The following DDA1 variants were observed in gnomAD, a reference collection of about 807,000 sequenced individuals.
DDA1 encodes DET1- and DDB1-associated protein 1.
Under a neutral mutation model 18.6 loss-of-function variants are expected in DDA1, and 3 were observed. The ratio of observed to expected loss-of-function variants is 0.16; its 90% CI spans 0.07 to 0.42. DDA1 has a LOEUF of 0.42. DDA1 is among the 10% of genes least tolerant of loss of function. DDA1 has a pLI of 0.99. For synonymous variants in DDA1, 52 were observed against 54.0 expected, an observed-to-expected ratio of 0.96 and a Z score of 0.17; for missense variants, 105 against 138.2, an observed-to-expected ratio of 0.76 and a Z score of 1.20.
chr19:17,314,136 G>A lies in DDA1; in HGVS notation c.84+33G>A. 1 of 1,610,702 alleles carries A rather than the reference G, an allele frequency of 6.2e-7. No homozygotes were observed. The highest frequency in any genetic ancestry group is 8.5e-7 in the Non-Finnish European group (1 of 1,177,180). ...CGTGTTCCTGGGACTGGGAGGAATT[G>A]GTCACTTCCAGGGGGCCTGGGGGCA... is the stretch of plus-strand genomic sequence containing the variant. On this transcript the variant is annotated intron_variant, in intron 2 of 4. Transcript: ENST00000359866. The surrounding 1 kb of genome is among the most constrained non-coding windows in gnomAD (Gnocchi z 4.6).
chr19:17,312,562 A>C (rs2074184117), intron 1 of DDA1, among the ~76,000 whole-genome samples: 1 of 152,086 alleles, frequency 6.6e-6, no homozygotes, highest in South Asian at 2.1e-4. Flanking sequence ...CTCACCCTTC[A>C]GGTCTCAGTG....
chr19:17,310,124 T>G, intron 1 of DDA1: 3 of 163,518 alleles, frequency 1.8e-5, no homozygotes, highest in Non-Finnish European at 4.0e-5. Context: ...ATTGTCCCGG[T>G]TCCCCGGGCC....
chr19:17,318,063 ACCCAGGCTGGAGTCG>A (rs1172773702), intron 4 of DDA1, among the ~76,000 whole-genome samples: 3 of 146,284 alleles, frequency 2.1e-5, no homozygotes, highest in Non-Finnish European at 3.0e-5. Flanking sequence ...TTGCTCTGTC[ACCCAGGCTGGAGTCG>A]CCCAGGCTGG....
chr19:17,315,455 T>TATATATATATATATATATATATA (rs1568354250), intron 3 of DDA1, among the ~76,000 whole-genome samples: 53 of 137,140 alleles, frequency 3.9e-4, no homozygotes, highest in African/African-American at 6.5e-4. Flanking sequence ...TATATATATA[T>TATATATATATATATATATATATA]TAGCCGGGCG....
Position 17,315,917 on chromosome 19 carries a change from C to T in DDA1, c.137-17C>T. 6.2e-7 allele frequency: 1 copy of T among 1,614,006 alleles called. No homozygotes were observed. On this transcript the variant is annotated splice_polypyrimidine_tract_variant and intron_variant, in intron 3 of 4. Transcript: ENST00000359866. ...GGAGGGGAGGCGTCTGCGACTTTCT[C>T]TATCTTTCCTCCTTAGTCATCGTGA...
intron 4 of DDA1, among the ~76,000 whole-genome samples, chr19:17,318,282 C>T (rs566298978): frequency 3.7e-4 from 56 of 151,986 alleles, no homozygotes; most frequent in African/African-American, 1.3e-3. Context: ...CCCAGACTGG[C>T]GTGCAGTGGC....
chr19:17,315,166 TGTATATACAC>T lies in DDA1; in HGVS notation c.137-767_137-758del, dbSNP rs2074198662. ...ATACACACACGTATATATACACACGTGTATATACACACACGTGTATACACACACGTGTATA... is the reference window on the plus strand; with the variant it reads ...ATACACACACGTATATATACACACGTACACGTGTATACACACACGTGTATA... On this transcript the variant is annotated intron_variant, in intron 3 of 4. Transcript: ENST00000359866. Among the ~76,000 whole-genome samples, 6 of 63,460 alleles carry T rather than the reference TGTATATACAC, an allele frequency of 9.5e-5. 3 individuals carry two copies. The highest frequency in any genetic ancestry group is 6.6e-4 in the African/African-American group (6 of 9,152). 41.6% of individuals were successfully genotyped at this position (63,460 alleles called of 152,430 possible). A position where few individuals can be genotyped will look rare whatever the true frequency, so the allele number is the denominator to read the frequency against.
At chr19:17,318,392 T>C (rs1171558283) in intron 4 of DDA1, among the ~76,000 whole-genome samples, 3 of 151,816 alleles carry the variant, frequency 2.0e-5, no homozygotes, top group African/African-American at 7.3e-5. Context: ...CCACCATGCC[T>C]GATTAATTTT....
chr19:17,309,888 C>T (rs1209456372), intron 1 of DDA1, among the ~76,000 whole-genome samples: 1 of 152,066 alleles, frequency 6.6e-6, no homozygotes, highest in African/African-American at 2.4e-5. Flanking sequence ...GGATACCAAG[C>T]CCTGACAACT....
rs62128098 is a variant in DDA1 at position 17,315,349 on chromosome 19, G to A, written c.137-585G>A. ...TATATACACACGTATATATATACACGCTATATATATACGCTATATATATAC... is the reference window on the plus strand; with the variant it reads ...TATATACACACGTATATATATACACACTATATATATACGCTATATATATAC... On this transcript the variant is annotated intron_variant, in intron 3 of 4. Coordinates refer to ENST00000359866, the MANE Select transcript of DDA1 (RefSeq NM_024050.6). Among the ~76,000 whole-genome samples, 66 of 42,150 alleles carry A rather than the reference G, an allele frequency of 1.6e-3. 5 individuals carry two copies. The highest frequency in any genetic ancestry group is 2.1e-3 in the Non-Finnish European group (39 of 18,172). The allele number at this position is 42,150 out of a possible 152,430, so 27.7% of individuals were successfully genotyped here.
At chr19:17,313,899 G>A in intron 1 of DDA1, 124 bp from the exon 2 acceptor site, 1 of 777,172 alleles carries the variant, frequency 1.3e-6, no homozygotes, top group Non-Finnish European at 2.2e-6. Flanking sequence ...TCAAGGGTGT[G>A]TTCTGGAAAA....
chr19:17,311,407 G>A (rs1466729528), intron 1 of DDA1, among the ~76,000 whole-genome samples: 4 of 151,510 alleles, frequency 2.6e-5, no homozygotes, highest in South Asian at 2.1e-4. Flanking sequence ...CACCCGCTTC[G>A]GACTCCCAAA....
chr19:17,317,728 A>G (rs1027611186), intron 4 of DDA1, among the ~76,000 whole-genome samples: 55 of 150,656 alleles, frequency 3.7e-4, no homozygotes, highest in African/African-American at 1.3e-3. Context: ...AATCCCAGCT[A>G]TTCAGGAGGC....
chr19:17,319,950 G>T lies in DDA1; in HGVS notation c.*294G>T. 1 of 306,768 alleles carries T rather than the reference G, an allele frequency of 3.3e-6. No homozygotes were observed. Among genetic ancestry groups the T allele is most frequent in the South Asian group, 3.8e-5 (1 of 26,638 alleles). 19.0% of individuals were successfully genotyped at this position (306,768 alleles called of 1,614,324 possible). A position where few individuals can be genotyped will look rare whatever the true frequency, so the allele number is the denominator to read the frequency against. ...CCCCCCGACCCCCGCCTTCCATCGG[G>T]CCAGTTCCCCGATTCCTGCCCCCAG... is the stretch of plus-strand genomic sequence containing the variant. On this transcript the variant is annotated 3_prime_UTR_variant, in exon 5 of 5. Coordinates refer to ENST00000359866, the MANE Select transcript of DDA1 (RefSeq NM_024050.6).
intron 4 of DDA1, among the ~76,000 whole-genome samples, chr19:17,316,495 G>A (rs963620071): frequency 5.3e-5 from 8 of 151,922 alleles, no homozygotes; most frequent in Non-Finnish European, 7.4e-5. Context: ...CAGGAGAATC[G>A]CTTGAACCAG....
Position 17,314,671 on chromosome 19 carries a change from T to C in DDA1, c.136+282T>C, listed in dbSNP as rs2074194351. ...CTGGCTTTCCCCAGGTGTCTCTTGA[T>C]TGGGACACACTGGGATCCACAGCCA... On this transcript the variant is annotated intron_variant, in intron 3 of 4. Coordinates refer to ENST00000359866, the MANE Select transcript of DDA1 (RefSeq NM_024050.6). The surrounding 1 kb of genome is among the most constrained non-coding windows in gnomAD (Gnocchi z 4.6). 1 of 492,934 alleles carries C rather than the reference T, an allele frequency of 2.0e-6. No individual in the cohort carries two copies. The highest frequency in any genetic ancestry group is 1.9e-5 in the African/African-American group (1 of 51,406). 30.5% of individuals were successfully genotyped at this position (492,934 alleles called of 1,614,324 possible).
In DDA1 at chr19:17,315,384, T is replaced by G. The variant is rs1403421156; in HGVS notation, c.137-550T>G. ...TACGCTATATATATACACACGTATATATATACACACTATATATATACATAC... is the reference window on the plus strand; with the variant it reads ...TACGCTATATATATACACACGTATAGATATACACACTATATATATACATAC... On this transcript the variant is annotated intron_variant, in intron 3 of 4. Transcript: ENST00000359866. 2.1e-5 allele frequency among the ~76,000 whole-genome samples: 2 copies of G among 94,494 alleles called. 1 individual carries two copies. Among genetic ancestry groups the G allele is most frequent in the Non-Finnish European group, 4.7e-5 (2 of 42,740 alleles). The allele number at this position is 94,494 out of a possible 152,430, so 62.0% of individuals were successfully genotyped here.
At position 17,315,926 on chromosome 19, in the gene DDA1, C is replaced by T. The variant is rs772543643; in HGVS notation, c.137-8C>T. On this transcript the variant is annotated splice_polypyrimidine_tract_variant and splice_region_variant and intron_variant, in intron 3 of 4. Coordinates refer to ENST00000359866, the MANE Select transcript of DDA1 (RefSeq NM_024050.6). ...GCGTCTGCGACTTTCTCTATCTTTCCTCCTTAGTCATCGTGACAGAAAAGA... is the reference window on the plus strand; with the variant it reads ...GCGTCTGCGACTTTCTCTATCTTTCTTCCTTAGTCATCGTGACAGAAAAGA... 1.2e-5 allele frequency: 20 copies of T among 1,613,940 alleles called. No individual in the cohort carries two copies. Among genetic ancestry groups the T allele is most frequent in the Non-Finnish European group, 1.5e-5 (18 of 1,179,974 alleles).
intron 1 of DDA1, 135 bp from the exon 2 acceptor site, chr19:17,313,888 C>T (rs1437406117): frequency 1.4e-6 from 1 of 706,706 alleles, no homozygotes; most frequent in East Asian, 2.6e-5. Context: ...CAGCAGCCAG[C>T]TCAAGGGTGT....
Sources: allele counts gnomAD v4.1 joint callset (sites outside exome capture counted in the v4.1 genomes callset), GRCh38; gene constraint gnomAD v4.1.1; non-coding constraint Gnocchi (gnomAD v3.1); transcripts MANE v1.5; gene names NCBI Gene and HGNC (gene_info 2026-07-23, HGNC 2026-07-21).